Variants in PLCB4 observed in about 807,000 individuals in gnomAD.
The protein encoded by PLCB4 is phospholipase C beta 4, also known as 1-phosphatidylinositol 4,5-bisphosphate phosphodiesterase beta-4.
In PLCB4, 77 loss-of-function variants were observed where a neutral mutation model predicts 178.8. The observed-to-expected ratio is 0.43, with a 90% confidence interval of 0.36 to 0.52. PLCB4 has a LOEUF of 0.52. PLCB4 is among the 20% of genes least tolerant of loss of function. The probability of loss-of-function intolerance (pLI) is 0.00; values close to 1 mark genes in which losing one functional copy is unlikely to be tolerated. For synonymous variants in PLCB4, 496 were observed against 490.8 expected (o/e 1.01, Z -0.14); for missense variants, 1,024 against 1,453.4 (o/e 0.70, Z 4.80).
At chr20:9,100,488 A>G (rs116851443) in intron 2 of PLCB4, among the ~76,000 whole-genome samples, 1,795 of 152,272 alleles carry the variant, frequency 0.012, 17 homozygotes, top group Middle Eastern at 0.02. Flanking sequence ...TTAAAGAAAA[A>G]TCAAAAGAAA....
Position 9,362,978 on chromosome 20 carries a change from G to C in PLCB4, c.449+3G>C. 6.3e-7 allele frequency: 1 copy of C among 1,598,012 alleles called. No homozygotes were observed. The highest frequency in any genetic ancestry group is 8.6e-7 in the Non-Finnish European group (1 of 1,165,700). On this transcript the variant is annotated splice_donor_region_variant and intron_variant, in intron 8 of 39. Coordinates refer to ENST00000378473, the MANE Select transcript of PLCB4 (RefSeq NM_001377142.1). ...CCAATGACATGCCTCAAGAAACAGT[G>C]AGTGTTGTTTGCATTACTCGTTTTT...
chr20:9,321,144 T>A (rs1016519969), intron 4 of PLCB4, among the ~76,000 whole-genome samples: 4 of 152,214 alleles, frequency 2.6e-5, no homozygotes, highest in Admixed American at 6.5e-5. Flanking sequence ...CAGTGCAAAG[T>A]ACTTGACATC....
intron 9 of PLCB4, among the ~76,000 whole-genome samples, chr20:9,368,505 A>G (rs2037927563): frequency 6.6e-6 from 1 of 152,172 alleles, no homozygotes; most frequent in Non-Finnish European, 1.5e-5. Flanking sequence ...AGAGATCCCA[A>G]ACAAAACGGC....
At chr20:9,101,394 A>G (rs556455175) in intron 2 of PLCB4, among the ~76,000 whole-genome samples, 197 of 152,268 alleles carry the variant, frequency 1.3e-3, no homozygotes, top group Admixed American at 2.4e-3. Context: ...GCTCCTCACT[A>G]TTCCTATTCA....
intron 3 of PLCB4, among the ~76,000 whole-genome samples, chr20:9,242,869 C>T (rs1466355893): frequency 1.3e-5 from 2 of 152,098 alleles, no homozygotes; most frequent in Non-Finnish European, 2.9e-5. Flanking sequence ...ACAGCCCTCC[C>T]CAGGTGATGT....
intron 2 of PLCB4, among the ~76,000 whole-genome samples, chr20:9,199,051 T>C (rs943839389): frequency 3.3e-5 from 5 of 152,212 alleles, no homozygotes; most frequent in African/African-American, 9.6e-5. Context: ...GTCTATACTC[T>C]TAACATGGTG....
At chr20:9,181,265 T>A (rs1342337851) in intron 2 of PLCB4, among the ~76,000 whole-genome samples, 1 of 152,180 alleles carries the variant, frequency 6.6e-6, no homozygotes, top group Non-Finnish European at 1.5e-5. Flanking sequence ...CTTCAGATGT[T>A]ATGAGGTGTC....
intron 4 of PLCB4, among the ~76,000 whole-genome samples, chr20:9,327,174 C>T (rs1337506154): frequency 1.3e-5 from 2 of 151,110 alleles, no homozygotes; most frequent in African/African-American, 4.9e-5. Context: ...TGCAGTGGCT[C>T]ATGCTTATGA....
chr20:9,389,922 A>T lies in PLCB4; in HGVS notation c.1202A>T (p.Glu401Val). The T allele has an allele frequency of 6.3e-7, 1 of 1,578,866 alleles. No homozygotes were observed. Among genetic ancestry groups the T allele is most frequent in the Non-Finnish European group, 8.7e-7 (1 of 1,150,284 alleles). Residue 401 changes from glutamate (E) to valine (V), a missense_variant, in exon 16 of 40, where the codon GAA becomes GTA. Transcript: ENST00000378473. Reference sequence around the variant, plus strand: ...AAGGAAACTGCATTTGTCACATCAGAATATCCTGTAATTCTCTCCTTTGAA... The same window carrying T: ...AAGGAAACTGCATTTGTCACATCAGTATATCCTGTAATTCTCTCCTTTGAA... ...AIKETAFVTS[E>V]YPVILSFENH...
chr20:9,293,624 T>TTCAC (rs1335158297), intron 3 of PLCB4, among the ~76,000 whole-genome samples: 1 of 141,060 alleles, frequency 7.1e-6, no homozygotes, highest in Non-Finnish European at 1.5e-5. Context: ...GAGTAAAATA[T>TTCAC]TCATTCATTC....
At chr20:9,165,066 T>C (rs1401858271) in intron 2 of PLCB4, among the ~76,000 whole-genome samples, 1 of 152,178 alleles carries the variant, frequency 6.6e-6, no homozygotes, top group Non-Finnish European at 1.5e-5. Context: ...CTCTGTATGA[T>C]ATATTGGCTG....
At chr20:9,251,219 A>C (rs1004808881) in intron 3 of PLCB4, among the ~76,000 whole-genome samples, 3 of 152,204 alleles carry the variant, frequency 2.0e-5, no homozygotes, top group African/African-American at 7.2e-5. Flanking sequence ...AACAGCAAGA[A>C]CTAGAATACC....
intron 3 of PLCB4, among the ~76,000 whole-genome samples, chr20:9,265,445 T>C (rs2094340115): frequency 1.3e-5 from 2 of 152,096 alleles, no homozygotes; most frequent in Non-Finnish European, 2.9e-5. Context: ...ACTGTGACAC[T>C]GCACTCCAGC....
chr20:9,307,717 A>C (rs2094787400), intron 3 of PLCB4, 83 bp from the exon 4 acceptor site: 2 of 570,862 alleles, frequency 3.5e-6, no homozygotes, highest in African/African-American at 3.9e-5. Context: ...AATCTTCTGC[A>C]AACACAGAAA....
chr20:9,170,492 G>A (rs1251213129), intron 2 of PLCB4, among the ~76,000 whole-genome samples: 1 of 152,050 alleles, frequency 6.6e-6, no homozygotes, highest in East Asian at 1.9e-4. Flanking sequence ...GTTCTGAGAG[G>A]TTCTTTGGGC....
chr20:9,289,866 T>C (rs569871716), intron 3 of PLCB4, among the ~76,000 whole-genome samples: 15 of 152,234 alleles, frequency 9.9e-5, no homozygotes, highest in African/African-American at 3.6e-4. Context: ...AGAGAGTATA[T>C]AACTTCAAAA....
rs538688597 is a variant in PLCB4 at position 9,162,080 on chromosome 20, T to G, written c.-78-55310T>G. 8.5e-5 allele frequency among the ~76,000 whole-genome samples: 13 copies of G among 152,318 alleles called. 2 individuals are homozygous for G. In the South Asian group the frequency reaches 1.5e-3, roughly 17 times the overall value. ...ATGTTCTGTTTTTTTTGTCAAATCT[T>G]TTAGTTTCACGATTCATTAGAGTGG... On this transcript the variant is annotated intron_variant, in intron 2 of 39. Coordinates refer to ENST00000378473, the MANE Select transcript of PLCB4 (RefSeq NM_001377142.1).
rs542474504 is a variant in PLCB4 at position 9,268,564 on chromosome 20, T to G, written c.-15-39236T>G. ...AAGTCACAATCTTTCACTTTTAGAG[T>G]CAGTTTCACAGGAACCTCGGGAACT... On this transcript the variant is annotated intron_variant, in intron 3 of 39. Coordinates refer to ENST00000378473, the MANE Select transcript of PLCB4 (RefSeq NM_001377142.1). Among the ~76,000 whole-genome samples the G allele has an allele frequency of 3.4e-4, 52 of 152,172 alleles. No homozygotes were observed. The South Asian group carries it at 9.8e-3, about 29-fold the overall frequency.
chr20:9,266,719 A>T (rs892618482), intron 3 of PLCB4, among the ~76,000 whole-genome samples: 1 of 152,156 alleles, frequency 6.6e-6, no homozygotes, highest in Non-Finnish European at 1.5e-5. Context: ...GTGTCTGACC[A>T]CTTTTCTAAA....
Sources: gnomAD v4.1 joint callset for allele counts (sites outside exome capture counted in the v4.1 genomes callset) on GRCh38, gnomAD v4.1.1 for gene constraint, MANE v1.5 for transcripts, NCBI Gene and HGNC (gene_info 2026-07-23, HGNC 2026-07-21) for gene names.